The following NFAM1 variants were observed in gnomAD, a reference collection of about 807,000 sequenced individuals.
NFAM1 encodes NFAT activating protein with ITAM motif 1.
In NFAM1, 17 loss-of-function variants were observed where a neutral mutation model predicts 29.0. The observed-to-expected ratio is 0.59, with a 90% CI of 0.40 to 0.88. The LOEUF (loss-of-function observed/expected upper bound fraction) is 0.88, where lower values mean the gene tolerates loss of function less well. NFAM1 is among the 40% of genes least tolerant of loss of function. NFAM1 has a pLI of 0.00. For synonymous variants in NFAM1, 175 were observed against 147.2 expected (o/e 1.19, Z -1.36); for missense variants, 324 against 344.6 (o/e 0.94, Z 0.47).
At chr22:42,389,423 C>T (rs918504708) in intron 4 of NFAM1, among the ~76,000 whole-genome samples, 1 of 152,134 alleles carries the variant, frequency 6.6e-6, no homozygotes, top group African/African-American at 2.4e-5. Context: ...TCCTGACCCG[C>T]TGGGTGCATT....
chr22:42,398,491 C>T (rs1929614700), intron 3 of NFAM1, among the ~76,000 whole-genome samples: 2 of 151,684 alleles, frequency 1.3e-5, no homozygotes, highest in African/African-American at 2.4e-5. Context: ...CAGCTTACTG[C>T]AACCTCTGCC....
upstream of NFAM1, among the ~76,000 whole-genome samples, chr22:42,435,461 C>G (rs1375322114): frequency 6.6e-6 from 1 of 151,936 alleles, no homozygotes; most frequent in Non-Finnish European, 1.5e-5. Flanking sequence ...GATTCTCCTG[C>G]CTCAGCCTCC....
At chr22:42,430,895 T>G (rs1270194890) in intron 1 of NFAM1, among the ~76,000 whole-genome samples, 2 of 152,124 alleles carry the variant, frequency 1.3e-5, no homozygotes, top group Non-Finnish European at 1.5e-5. Flanking sequence ...TGAGACACAT[T>G]GACACTAACA....
the NFAM1 span, among the ~76,000 whole-genome samples, chr22:42,437,431 C>CCATA: frequency 1.3e-5 from 2 of 152,260 alleles, no homozygotes; most frequent in East Asian, 3.9e-4. Flanking sequence ...GTGTGACCTA[C>CCATA]CATACCCGGC....
intron 1 of NFAM1, among the ~76,000 whole-genome samples, chr22:42,430,122 G>A (rs1930748502): frequency 6.6e-6 from 1 of 151,850 alleles, no homozygotes; most frequent in Non-Finnish European, 1.5e-5. Flanking sequence ...AAAATAGCTG[G>A]GTGTGGTGGC....
intron 1 of NFAM1, among the ~76,000 whole-genome samples, chr22:42,412,515 G>A (rs553711462): frequency 2.2e-4 from 34 of 152,224 alleles, no homozygotes; most frequent in African/African-American, 7.2e-4. Context: ...CAGAGCCTGC[G>A]CTCCCAACCC....
At chr22:42,395,557 T>C (rs1032810213) in intron 4 of NFAM1, among the ~76,000 whole-genome samples, 2 of 151,262 alleles carry the variant, frequency 1.3e-5, no homozygotes, top group African/African-American at 4.9e-5. Context: ...AAACTTGCAT[T>C]ATTCATAGAT....
chr22:42,396,896 G>A (rs998665417), intron 4 of NFAM1, among the ~76,000 whole-genome samples: 2 of 150,994 alleles, frequency 1.3e-5, no homozygotes, highest in African/African-American at 4.9e-5. Context: ...GCACGTACGA[G>A]CAGAACCCAA....
chr22:42,393,575 ATT>A (rs36029784), intron 4 of NFAM1, among the ~76,000 whole-genome samples: 1 of 140,202 alleles, frequency 7.1e-6, no homozygotes, highest in Non-Finnish European at 1.5e-5. Context: ...CGCCTGACTA[ATT>A]TTTTTTTTTT....
At chr22:42,432,463 CT>C, upstream of NFAM1, 4 of 1,432,232 alleles carry the variant, frequency 2.8e-6, no homozygotes, top group Non-Finnish European at 3.7e-6. Context: ...CTGGCAGCCC[CT>C]GACCTTCCGC....
intron 1 of NFAM1, among the ~76,000 whole-genome samples, chr22:42,418,507 C>T (rs1343266954): frequency 6.6e-6 from 1 of 152,108 alleles, no homozygotes; most frequent in African/African-American, 2.4e-5. Flanking sequence ...GCCTGGCCAA[C>T]ATGGTGAAAC....
intron 3 of NFAM1, among the ~76,000 whole-genome samples, chr22:42,406,997 G>A (rs532142520): frequency 3.3e-5 from 5 of 151,892 alleles, no homozygotes; most frequent in South Asian, 2.1e-4. Flanking sequence ...GGATGGTCTC[G>A]GTCTCCTGAC....
chr22:42,410,658 CAAAA>C (rs35345430), intron 2 of NFAM1, among the ~76,000 whole-genome samples: 2 of 119,048 alleles, frequency 1.7e-5, no homozygotes, highest in Non-Finnish European at 3.7e-5. Flanking sequence ...GACTCTGTCT[CAAAA>C]AAAAAAAAAA....
chr22:42,404,852 CAA>C (rs397937097), intron 3 of NFAM1, among the ~76,000 whole-genome samples: 20 of 88,706 alleles, frequency 2.3e-4, no homozygotes, highest in East Asian at 6.6e-4. Context: ...AACTCCATCT[CAA>C]AAAAAAAAAA....
chr22:42,414,841 T>C (rs573367513), intron 1 of NFAM1, among the ~76,000 whole-genome samples: 53 of 152,262 alleles, frequency 3.5e-4, no homozygotes, highest in Non-Finnish European at 1.5e-4. Flanking sequence ...GCAGGAAGAC[T>C]TCAGACCAAT....
chr22:42,397,434 G>A (rs1929567568), intron 4 of NFAM1, among the ~76,000 whole-genome samples: 1 of 152,350 alleles, frequency 6.6e-6, no homozygotes, highest in African/African-American at 2.4e-5. Flanking sequence ...TCACTGATGT[G>A]TTAAGGGCGT....
At chr22:42,392,468 A>G (rs1302722900) in intron 4 of NFAM1, among the ~76,000 whole-genome samples, 1 of 152,138 alleles carries the variant, frequency 6.6e-6, no homozygotes, top group Non-Finnish European at 1.5e-5. Flanking sequence ...AGAAACAGAA[A>G]GGAGAGGGAG....
chr22:42,400,862 A>G (rs1929702271), intron 3 of NFAM1, among the ~76,000 whole-genome samples: 1 of 152,174 alleles, frequency 6.6e-6, no homozygotes, highest in South Asian at 2.1e-4. Flanking sequence ...GCCGACCTGG[A>G]CACCACCAGG....
upstream of NFAM1, among the ~76,000 whole-genome samples, chr22:42,434,183 C>T (rs1022076259): frequency 3.3e-5 from 5 of 152,214 alleles, no homozygotes; most frequent in Admixed American, 1.3e-4. Context: ...CTGGTTTCCA[C>T]GCTTGCCTGC....
Sources: gnomAD v4.1 joint callset for allele counts (sites outside exome capture counted in the v4.1 genomes callset) on GRCh38, gnomAD v4.1.1 for gene constraint, MANE v1.5 for transcripts, NCBI Gene and HGNC (gene_info 2026-07-23, HGNC 2026-07-21) for gene names.